Variants in CNTNAP5 observed in about 807,000 individuals in gnomAD.
CNTNAP5 encodes contactin-associated protein-like 5.
In CNTNAP5, 72 loss-of-function variants were observed where a neutral mutation model predicts 150.2. That is an observed-to-expected ratio of 0.48 (90% CI 0.40 to 0.58). The LOEUF (loss-of-function observed/expected upper bound fraction) is 0.58. Among genes scored for constraint, CNTNAP5 ranks in the 20% least tolerant of loss-of-function variants. CNTNAP5 has a pLI of 0.00. For synonymous variants in CNTNAP5, 672 were observed against 619.8 expected (o/e 1.08, Z -1.25); for missense variants, 1,636 against 1,626.2 (o/e 1.01, Z -0.10).
intron 5 of CNTNAP5, 65 bp downstream of exon 5, chr2:124,434,752 TG>T: frequency 6.6e-6 from 9 of 1,359,728 alleles, no homozygotes; most frequent in Non-Finnish European, 9.2e-6. Flanking sequence ...CAGCTCACAG[TG>T]TCTGACACTT....
intron 21 of CNTNAP5, among the ~76,000 whole-genome samples, chr2:124,887,398 T>C (rs966733182): frequency 6.6e-6 from 1 of 152,002 alleles, no homozygotes; most frequent in African/African-American, 2.4e-5. Context: ...CTATTCCTGA[T>C]TTTAGGATCC....
intron 6 of CNTNAP5, among the ~76,000 whole-genome samples, chr2:124,451,282 T>C (rs922426137): frequency 6.6e-6 from 1 of 151,556 alleles, no homozygotes; most frequent in African/African-American, 2.4e-5. Context: ...CATTTTAAAA[T>C]ACATAGATGT....
chr2:124,533,123 G>A (rs191823077), intron 10 of CNTNAP5, among the ~76,000 whole-genome samples: 2 of 151,988 alleles, frequency 1.3e-5, no homozygotes, highest in Non-Finnish European at 2.9e-5. Flanking sequence ...CATTAGGAAA[G>A]CACTCATAAA....
chr2:124,118,802 A>G (rs1404283613), intron 1 of CNTNAP5, among the ~76,000 whole-genome samples: 1 of 152,178 alleles, frequency 6.6e-6, no homozygotes, highest in East Asian at 1.9e-4. Flanking sequence ...CACATGCTAA[A>G]AAAAGTCCAT....
intron 7 of CNTNAP5, among the ~76,000 whole-genome samples, chr2:124,491,714 A>G (rs1466619335): frequency 6.6e-6 from 1 of 151,762 alleles, no homozygotes; most frequent in African/African-American, 2.4e-5. Context: ...CCAATTGTGT[A>G]CAAGCCTTCC....
At chr2:124,607,113 A>C (rs186101347) in intron 11 of CNTNAP5, among the ~76,000 whole-genome samples, 2 of 152,274 alleles carry the variant, frequency 1.3e-5, no homozygotes, top group East Asian at 3.9e-4. Flanking sequence ...ATACTTCGAG[A>C]GTTGATTAGC....
At chr2:124,124,377 G>T (rs182506512) in intron 1 of CNTNAP5, among the ~76,000 whole-genome samples, 1 of 152,144 alleles carries the variant, frequency 6.6e-6, no homozygotes, top group African/African-American at 2.4e-5. Flanking sequence ...AGAGTAAGAA[G>T]AAATGAACAA....
At chr2:124,206,054 C>T (rs1325965376) in intron 1 of CNTNAP5, among the ~76,000 whole-genome samples, 4 of 152,142 alleles carry the variant, frequency 2.6e-5, no homozygotes, top group African/African-American at 9.7e-5. Flanking sequence ...TGTATTTGTC[C>T]TAAACATTCT....
At chr2:124,633,925 G>A (rs1292242153) in intron 12 of CNTNAP5, among the ~76,000 whole-genome samples, 1 of 152,140 alleles carries the variant, frequency 6.6e-6, no homozygotes, top group African/African-American at 2.4e-5. Context: ...AAGCTGAATA[G>A]GCTAAGATGC....
At chr2:124,090,885 G>A (rs1001010340) in intron 1 of CNTNAP5, among the ~76,000 whole-genome samples, 2 of 152,198 alleles carry the variant, frequency 1.3e-5, no homozygotes, top group African/African-American at 4.8e-5. Flanking sequence ...TTCAAACAGA[G>A]TTGGAAAGAA....
At chr2:124,360,678 G>A (rs1470984454) in intron 3 of CNTNAP5, among the ~76,000 whole-genome samples, 7 of 126,146 alleles carry the variant, frequency 5.5e-5, no homozygotes, top group Middle Eastern at 3.5e-3. Context: ...CGAGAGATCC[G>A]CTGTTAGTCT....
rs1339729349 is a variant in CNTNAP5, at chr2:124,866,626, G to T, written c.3348+1190G>T. ...GTCCATGTGAGCGCAGGCTAAAGCT[G>T]TCTGAAAGCATGTTGTGTGGGAGGC... On this transcript the variant is annotated intron_variant, in intron 20 of 23. Transcript: ENST00000682447. Among the ~76,000 whole-genome samples, 3 of 152,212 alleles carry T rather than the reference G, an allele frequency of 2.0e-5. No individual in the cohort carries two copies. In the East Asian group the frequency reaches 5.8e-4, roughly 30 times the overall value.
At chr2:124,305,555 A>T (rs1688667598) in intron 3 of CNTNAP5, among the ~76,000 whole-genome samples, 1 of 152,188 alleles carries the variant, frequency 6.6e-6, no homozygotes, top group South Asian at 2.1e-4. Context: ...GTGTCCTTAA[A>T]GTTCAAGTGT....
chr2:124,072,433 CA>C, intron 1 of CNTNAP5, among the ~76,000 whole-genome samples: 1 of 151,894 alleles, frequency 6.6e-6, no homozygotes, highest in South Asian at 2.1e-4. Flanking sequence ...AGAAAGAAAT[CA>C]AAGTACTTTG....
chr2:124,128,994 G>A (rs1346485203), intron 1 of CNTNAP5, among the ~76,000 whole-genome samples: 2 of 151,610 alleles, frequency 1.3e-5, no homozygotes, highest in Non-Finnish European at 2.9e-5. Flanking sequence ...ACACCAATAT[G>A]GCACATGTAT....
At chr2:124,178,660 G>A (rs766452118) in intron 1 of CNTNAP5, among the ~76,000 whole-genome samples, 1 of 152,178 alleles carries the variant, frequency 6.6e-6, no homozygotes, top group Non-Finnish European at 1.5e-5. Flanking sequence ...CTCAGAGGTA[G>A]TGCTCATTCT....
At chr2:124,399,873 C>G (rs968223813) in intron 3 of CNTNAP5, among the ~76,000 whole-genome samples, 6 of 152,290 alleles carry the variant, frequency 3.9e-5, no homozygotes, top group African/African-American at 1.4e-4. Flanking sequence ...CTGAAGCACT[C>G]TAGCCTGACA....
At chr2:124,428,295 C>A (rs75067969) in intron 4 of CNTNAP5, among the ~76,000 whole-genome samples, 6,076 of 152,242 alleles carry the variant, frequency 0.04, 143 homozygotes, top group Middle Eastern at 0.051. Flanking sequence ...GAGGGTTCAG[C>A]GCTCCCTCAG....
intron 1 of CNTNAP5, among the ~76,000 whole-genome samples, chr2:124,204,640 G>A (rs1343123118): frequency 1.3e-5 from 2 of 152,224 alleles, no homozygotes; most frequent in Admixed American, 6.5e-5. Flanking sequence ...CATGGTAGGA[G>A]GCAAAGGAGG....
Sources: gnomAD v4.1 joint callset for allele counts (sites outside exome capture counted in the v4.1 genomes callset) on GRCh38, gnomAD v4.1.1 for gene constraint, MANE v1.5 for transcripts, NCBI Gene and HGNC (gene_info 2026-07-23, HGNC 2026-07-21) for gene names.